The following TNS2 variants were observed in gnomAD, a reference collection of about 807,000 sequenced individuals.
TNS2 encodes the protein tensin-2.
Under a neutral mutation model 155.7 loss-of-function variants are expected in TNS2, and 77 were observed. The observed-to-expected ratio is 0.49, with a 90% confidence interval of 0.41 to 0.60. TNS2 has a LOEUF of 0.60. Ranked by LOEUF, TNS2 falls within the 20% of genes least tolerant of loss-of-function variation. The pLI is 0.00. For missense variants in TNS2, 1,703 were observed against 1,868.8 expected, an observed-to-expected ratio of 0.91 and a Z score of 1.64; for synonymous variants, 726 against 763.9, an observed-to-expected ratio of 0.95 and a Z score of 0.82.
intron 8 of TNS2, 117 bp from the exon 9 acceptor site, chr12:53,055,451 C>A: frequency 1.5e-6 from 2 of 1,338,096 alleles, no homozygotes; most frequent in Non-Finnish European, 2.0e-6. Context: ...CTATCATGGA[C>A]AACCAGCAGA....
Position 53,063,807 on chromosome 12 carries a change from A to C in TNS2, c.4155A>C (p.Ala1385=). 6.2e-7 allele frequency: 1 copy of C among 1,614,178 alleles called. No individual in the cohort carries two copies. The highest frequency in any genetic ancestry group is 8.5e-7 in the Non-Finnish European group (1 of 1,180,026). The change falls in exon 29 of 29, where the codon GCA becomes GCC. Residue 1385 remains alanine (A), a synonymous_variant. Coordinates refer to ENST00000314250, the MANE Select transcript of TNS2 (RefSeq NM_170754.4). This position sits in a 1 kb window ranked among gnomAD's most constrained non-coding sequence, Gnocchi z 5.6. ...GGGAGAATGTGTGTCACCTCTTTGC[A>C]GAGCTTGACCCAGATCAGCCTGCTG... ...SPWENVCHLF[A]ELDPDQPAGA... is the part of the protein sequence containing the mutation.
rs769954476 is a variant in TNS2, at chr12:53,058,437, C to T, written c.1217C>T (p.Ala406Val). ...LTFPKDQLDE[A>V]WTDERFPFQA... ...TTCCCCAAGGACCAGCTTGACGAGG[C>T]CTGGACTGGTGAGTCTGAGACAAGT... Residue 406 changes from alanine to valine, a missense_variant, in exon 15 of 29, where the codon GCC becomes GTC. By Grantham distance (64) the Ala-to-Val change is moderately conservative. Coordinates refer to ENST00000314250, the MANE Select transcript of TNS2 (RefSeq NM_170754.4). 1.4e-5 allele frequency: 23 copies of T among 1,614,060 alleles called. No homozygotes were observed. Among genetic ancestry groups the T allele is most frequent in the Non-Finnish European group, 2.5e-6 (3 of 1,180,042 alleles).
At chr12:53,062,987 A>G in intron 25 of TNS2, 102 bp from the exon 26 acceptor site, 1 of 1,419,658 alleles carries the variant, frequency 7.0e-7, no homozygotes, top group Non-Finnish European at 9.4e-7. Context: ...CACCTATGTG[A>G]TTGTAAAGCA....
At chr12:53,055,956 G>A (rs1944138289) in intron 10 of TNS2, 111 bp downstream of exon 10, 11 of 1,118,454 alleles carry the variant, frequency 9.8e-6, no homozygotes, top group East Asian at 7.1e-5. Flanking sequence ...GTCCTTTGCT[G>A]TCAGCTTAGC....
At chr12:53,058,171 T>C (rs1190317858) in intron 14 of TNS2, 69 bp downstream of exon 14, 1 of 1,611,170 alleles carries the variant, frequency 6.2e-7, no homozygotes, top group East Asian at 2.2e-5. Flanking sequence ...AACGGCACAG[T>C]CACCAATTTG....
rs1333398901 is a variant in TNS2 at position 53,063,102 on chromosome 12, C to T, written c.3837C>T (p.Leu1279=). 3.8e-6 allele frequency: 6 copies of T among 1,562,052 alleles called. No individual in the cohort carries two copies. Among genetic ancestry groups the T allele is most frequent in the Non-Finnish European group, 5.2e-6 (6 of 1,156,194 alleles). ...CTGCCCCTGTAGCCTGCAGCGTGCT[C>T]TACTTGACCTCAGTGGAGACAGAGT... ...LLRQGAACSV[L]YLTSVETESL... is the part of the protein sequence containing the mutation. The change falls in exon 26 of 29, where the codon CTC becomes CTT. Residue 1279 remains leucine, a synonymous_variant. Transcript: ENST00000314250. This position sits in a 1 kb window ranked among gnomAD's most constrained non-coding sequence, Gnocchi z 5.6.
upstream of TNS2, chr12:53,047,012 C>G (rs906975013): frequency 3.9e-5 from 6 of 152,562 alleles, no homozygotes; most frequent in African/African-American, 1.4e-4. Context: ...CCAGTATGTC[C>G]CTGGCGCGGC....
chr12:53,057,440 G>A, intron 11 of TNS2, 127 bp from the exon 12 acceptor site: 1 of 788,944 alleles, frequency 1.3e-6, no homozygotes. Context: ...GAACTTTCTG[G>A]TGACCCGGAA....
At position 53,050,312 on chromosome 12, in the gene TNS2, C is replaced by T. The variant is rs985113489; in HGVS notation, c.75+52C>T. 1.3e-6 allele frequency: 2 copies of T among 1,524,866 alleles called. No homozygotes were observed. The highest frequency in any genetic ancestry group is 2.7e-5 in the African/African-American group (2 of 72,954). 94.5% of individuals were successfully genotyped at this position (1,524,866 alleles called of 1,614,324 possible). A position where few individuals can be genotyped will look rare whatever the true frequency, so the allele number is the denominator to read the frequency against. ...AGAGGGGCAGGGGTGGAGGTGCGGG[C>T]AGTGGGGGAGGGGACCAGGAATCAG... On this transcript the variant is annotated intron_variant, in intron 1 of 28. Transcript: ENST00000314250. This position sits in a 1 kb window ranked among gnomAD's most constrained non-coding sequence, Gnocchi z 4.7.
chr12:53,060,429 G>A lies in TNS2; in HGVS notation c.2642G>A (p.Arg881Lys). 1.2e-6 allele frequency: 2 copies of A among 1,613,356 alleles called. No homozygotes were observed. The highest frequency in any genetic ancestry group is 1.7e-6 in the Non-Finnish European group (2 of 1,179,920). The change falls in exon 19 of 29, where the codon AGG becomes AAG. Residue 881 changes from arginine to lysine, a missense_variant. By Grantham distance (26) the Arg-to-Lys change is conservative. Coordinates refer to ENST00000314250, the MANE Select transcript of TNS2 (RefSeq NM_170754.4). The surrounding 1 kb of genome is among the most constrained non-coding windows in gnomAD (Gnocchi z 6.1). Reference protein sequence around the residue: ...SAESLEPVSWREGPSGHSTLP... With the variant: ...SAESLEPVSWKEGPSGHSTLP... ...GAGTCGCTGGAGCCGGTGTCCTGGA[G>A]GGAGGGCCCCAGTGGGCACAGCACA...
chr12:53,055,262 C>A, intron 8 of TNS2, 26 bp downstream of exon 8: 1 of 1,611,628 alleles, frequency 6.2e-7, no homozygotes, highest in Non-Finnish European at 8.5e-7. Flanking sequence ...CCTGCCCAAC[C>A]ATTAAACCAA....
In TNS2 at chr12:53,057,674, G is replaced by A. The variant is rs748795327; in HGVS notation, c.953G>A (p.Gly318Asp). ...CCCATGCTGCCAGCCTTTGAACCTGGCACAGGTGAGTCTGCCTGAGATGTG... is the reference window on the plus strand; with the variant it reads ...CCCATGCTGCCAGCCTTTGAACCTGACACAGGTGAGTCTGCCTGAGATGTG... ...LIPMLPAFEP[G>D]TGFQPFLKIY... is the part of the protein sequence containing the mutation. The change falls in exon 12 of 29, where the codon GGC becomes GAC. Residue 318 changes from glycine (G) to aspartate (D), a missense_variant. By Grantham distance (94) the Gly-to-Asp change is moderately conservative. Transcript: ENST00000314250. The A allele has an allele frequency of 1.9e-6, 3 of 1,614,082 alleles. No homozygotes were observed. Among genetic ancestry groups the A allele is most frequent in the South Asian group, 2.2e-5 (2 of 91,062 alleles).
rs957614299 is a variant in TNS2, at chr12:53,053,536, G to A, written c.261+87G>A. ...TGGTGGCTCCAGAGAGGGCCCCCAG[G>A]AGATGACCTTGAACGGAGTGCTGTG... On this transcript the variant is annotated intron_variant, in intron 4 of 28. Transcript: ENST00000314250. The A allele has an allele frequency of 3.9e-6, 6 of 1,550,070 alleles. No individual in the cohort carries two copies. The South Asian group carries it at 5.6e-5, about 15-fold the overall frequency.
chr12:53,052,357 C>A, intron 2 of TNS2, 98 bp from the exon 3 acceptor site: 1 of 1,507,240 alleles, frequency 6.6e-7, no homozygotes, highest in South Asian at 1.2e-5. Flanking sequence ...TTGGAAGTCC[C>A]AGGGTCTGGT....
chr12:53,051,498 G>A (rs10747658), intron 1 of TNS2, among the ~76,000 whole-genome samples: 61,803 of 139,916 alleles, frequency 0.44, 16,202 homozygotes, highest in Non-Finnish European at 0.62. Context: ...GTCTCCATGC[G>A]GGGAGGACAA....
intron 15 of TNS2, 33 bp downstream of exon 15, chr12:53,058,478 TCCAGGTGG>T (rs762863370): frequency 1.2e-6 from 2 of 1,610,234 alleles, no homozygotes; most frequent in Non-Finnish European, 1.7e-6. Context: ...GGGGCTGGAG[TCCAGGTGG>T]CAGGCAGGTG....
rs773591980 is a variant in TNS2, at chr12:53,063,300, T to G, written c.3992+43T>G. 6.2e-7 allele frequency: 1 copy of G among 1,614,000 alleles called. No homozygotes were observed. The highest frequency in any genetic ancestry group is 8.5e-7 in the Non-Finnish European group (1 of 1,179,960). On this transcript the variant is annotated intron_variant, in intron 26 of 28. Transcript: ENST00000314250. This position sits in a 1 kb window ranked among gnomAD's most constrained non-coding sequence, Gnocchi z 5.6. ...TGTAGAACCCCATGCTTAAGGCCCC[T>G]GGGGGCTCATGTTTCTGAGTGTGAC... is the stretch of plus-strand genomic sequence containing the variant.
rs755824331 is a variant in TNS2, at chr12:53,060,645, C to G, written c.2769-30C>G. 7 of 1,584,970 alleles carry G rather than the reference C, an allele frequency of 4.4e-6. No individual in the cohort carries two copies. In the African/African-American group the frequency reaches 6.7e-5, roughly 15 times the overall value. On this transcript the variant is annotated intron_variant, in intron 19 of 28. Coordinates refer to ENST00000314250, the MANE Select transcript of TNS2 (RefSeq NM_170754.4). The surrounding 1 kb of genome is among the most constrained non-coding windows in gnomAD (Gnocchi z 6.1). ...GGTGGGAGCAGCCACAATGGGGGCT[C>G]TGCTGACCATCTGCCCTTCCACCCT...
chr12:53,049,281 GA>G, upstream of TNS2: 3 of 1,581,218 alleles, frequency 1.9e-6, no homozygotes, highest in Non-Finnish European at 2.6e-6. Context: ...GCCGCGGGGG[GA>G]GGGTGCAGCC....
Sources: allele counts gnomAD v4.1 joint callset (sites outside exome capture counted in the v4.1 genomes callset), GRCh38; gene constraint gnomAD v4.1.1; non-coding constraint Gnocchi (gnomAD v3.1); transcripts MANE v1.5; gene names NCBI Gene and HGNC (gene_info 2026-07-23, HGNC 2026-07-21).